RNF135: variants seen among roughly 807,000 people sequenced by gnomAD.
The protein encoded by RNF135 is ring finger protein 135, also known as E3 ubiquitin-protein ligase RNF135.
RNF135 carries 46 observed loss-of-function variants against 41.9 expected under a neutral mutation model. The observed-to-expected ratio is 1.10, with a 90% CI of 0.87 to 1.40. The LOEUF is 1.40. Among genes scored for constraint, RNF135 ranks in the 40% most tolerant of loss-of-function variants. The pLI, the probability that RNF135 is intolerant of heterozygous loss-of-function variation, is 0.00. For missense variants in RNF135, 539 were observed against 549.8 expected (o/e 0.98, Z 0.20); for synonymous variants, 238 against 223.8 (o/e 1.06, Z -0.57).
upstream of RNF135, among the ~76,000 whole-genome samples, chr17:30,969,766 T>C (rs1810044): frequency 0.12 from 15,792 of 136,834 alleles, 1,017 homozygotes; most frequent in East Asian, 0.28. Flanking sequence ...TTTCTTTTTT[T>C]TTTTTTTTTT....
intron 2 of RNF135, 84 bp from the exon 3 acceptor site, chr17:30,987,860 G>A (rs1907697752): frequency 1.5e-6 from 2 of 1,305,250 alleles, no homozygotes; most frequent in Non-Finnish European, 2.2e-6. Context: ...GAAAATTATA[G>A]ATGAATAGAA....
intron 3 of RNF135, among the ~76,000 whole-genome samples, chr17:30,991,248 A>G (rs2142724055): frequency 6.6e-6 from 1 of 152,042 alleles, no homozygotes; most frequent in Non-Finnish European, 1.5e-5. Context: ...CCGTAATCCC[A>G]GTTACGTGGG....
intron 3 of RNF135, among the ~76,000 whole-genome samples, chr17:30,994,492 G>C (rs1336212662): frequency 6.6e-6 from 1 of 152,092 alleles, no homozygotes; most frequent in Non-Finnish European, 1.5e-5. Context: ...AGAAGTTGCA[G>C]TGAGCCGAAA....
intron 3 of RNF135, among the ~76,000 whole-genome samples, chr17:30,990,265 G>A (rs904661939): frequency 2.6e-5 from 4 of 152,152 alleles, no homozygotes; most frequent in Non-Finnish European, 5.9e-5. Context: ...GCTCATGCCT[G>A]TAATCCCAGC....
At position 30,978,141 on chromosome 17, in the gene RNF135, C is replaced by T. The variant is rs184196282; in HGVS notation, c.373-6476C>T. Reference sequence around the variant, plus strand: ...CCCTTGTATATTATTTATTTCTTTTCTCTTGCTGCTTTAGGATCCTTTCTT... The same window carrying T: ...CCCTTGTATATTATTTATTTCTTTTTTCTTGCTGCTTTAGGATCCTTTCTT... On this transcript the variant is annotated intron_variant, in intron 1 of 4. Coordinates refer to ENST00000328381, the MANE Select transcript of RNF135 (RefSeq NM_032322.4). Among the ~76,000 whole-genome samples the T allele has an allele frequency of 2.6e-5, 4 of 152,082 alleles. No homozygotes were observed. The East Asian group carries it at 5.8e-4, about 22-fold the overall frequency.
In RNF135 at chr17:30,983,766, G is replaced by GT. The variant is rs375139965; in HGVS notation, c.373-838dup. Reference sequence around the variant, plus strand: ...CACACCATCAACATTTGTTATTTTGGTTTTTTTTTTTTTGATAGTAGCCAA... The same window carrying GT: ...CACACCATCAACATTTGTTATTTTGGTTTTTTTTTTTTTTGATAGTAGCCAA... On this transcript the variant is annotated intron_variant, in intron 1 of 4. Transcript: ENST00000328381. 9.1e-3 allele frequency among the ~76,000 whole-genome samples: 1,296 copies of GT among 142,282 alleles called. 10 individuals are homozygous for GT. Among genetic ancestry groups the GT allele is most frequent in the African/African-American group, 0.023 (890 of 39,140 alleles). 93.3% of individuals were successfully genotyped at this position (142,282 alleles called of 152,430 possible).
At chr17:30,994,639 A>T (rs915892458) in intron 3 of RNF135, among the ~76,000 whole-genome samples, 23 of 146,666 alleles carry the variant, frequency 1.6e-4, no homozygotes, top group Non-Finnish European at 2.6e-4. Context: ...ATTTTATTTT[A>T]TTTTTTTTTT....
chr17:30,961,946 C>T, the RNF135 span, among the ~76,000 whole-genome samples: 1 of 152,178 alleles, frequency 6.6e-6, no homozygotes, highest in South Asian at 2.1e-4. Context: ...TTACTAGTAA[C>T]TCCTCTTTCC....
In RNF135 at chr17:30,984,606, C is replaced by T; in HGVS notation, c.373-11C>T. 1.2e-6 allele frequency: 2 copies of T among 1,614,114 alleles called. No homozygotes were observed. The highest frequency in any genetic ancestry group is 1.7e-6 in the Non-Finnish European group (2 of 1,180,018). ...TATAGAACCCAGGACCTGAACTTTG[C>T]TATTTTGAAGGTGGCAGTAGAGAAG... On this transcript the variant is annotated splice_polypyrimidine_tract_variant and intron_variant, in intron 1 of 4. Transcript: ENST00000328381.
intron 1 of RNF135, among the ~76,000 whole-genome samples, chr17:30,983,347 A>AT (rs1907334924): frequency 8.1e-5 from 3 of 36,866 alleles, no homozygotes; most frequent in Non-Finnish European, 1.1e-4. Flanking sequence ...ATATATATAT[A>AT]TATATATTTT....
rs763876166 is a variant in RNF135, at chr17:30,971,290, C to T, written c.217C>T (p.Arg73Trp). The T allele has an allele frequency of 6.5e-7, 1 of 1,528,184 alleles. No homozygotes were observed. Among genetic ancestry groups the T allele is most frequent in the South Asian group, 1.2e-5 (1 of 82,616 alleles). 94.7% of individuals were successfully genotyped at this position (1,528,184 alleles called of 1,614,324 possible). The change falls in exon 1 of 5, where the codon CGG becomes TGG. Residue 73 changes from arginine (R) to tryptophan (W), a missense_variant. This residue lies in a region of RNF135 where 277 missense variants were observed against 212.8 expected (regional missense o/e 1.30). Coordinates refer to ENST00000328381, the MANE Select transcript of RNF135 (RefSeq NM_032322.4). ...RQGAAQQPHL[R>W]KNTLLQDLAD... ...GGGCGCCGCGCAGCAGCCGCACCTG[C>T]GGAAGAACACGCTACTGCAGGACCT...
chr17:30,983,353 A>ATATATATGTTTTT (rs1420453160), intron 1 of RNF135, among the ~76,000 whole-genome samples: 1 of 35,744 alleles, frequency 2.8e-5, no homozygotes, highest in Non-Finnish European at 5.4e-5. Flanking sequence ...ATATATATAT[A>ATATATATGTTTTT]TTTTTTTTTT....
At chr17:30,963,600 T>A in the RNF135 span, among the ~76,000 whole-genome samples, 3 of 151,960 alleles carry the variant, frequency 2.0e-5, no homozygotes, top group African/African-American at 7.3e-5. Flanking sequence ...GGTGGTTTGC[T>A]TTTTCTACTG....
In RNF135 at chr17:30,978,700, GCAGATAAA is replaced by G. The variant is rs1216903440; in HGVS notation, c.373-5914_373-5907del. Reference sequence around the variant, plus strand: ...TAGGACAATAGTGGAGGGAAGGTCAGCAGATAAACAAGTGAACAAAGGTCTCTGGTTTT... The same window carrying G: ...TAGGACAATAGTGGAGGGAAGGTCAGCAAGTGAACAAAGGTCTCTGGTTTT... On this transcript the variant is annotated intron_variant, in intron 1 of 4. Transcript: ENST00000328381. 2.8e-5 allele frequency: 4 copies of G among 142,348 alleles called. No homozygotes were observed. The East Asian group carries it at 8.0e-4, about 28-fold the overall frequency. The allele number at this position is 142,348 out of a possible 1,614,324, so 8.8% of individuals were successfully genotyped here.
chr17:30,960,764 G>C, the RNF135 span, among the ~76,000 whole-genome samples: 1 of 142,882 alleles, frequency 7.0e-6, no homozygotes. Context: ...TTTTGAGACA[G>C]AGTCTTGCTC....
upstream of RNF135, among the ~76,000 whole-genome samples, chr17:30,969,765 T>TTC (rs1905735105): frequency 7.2e-6 from 1 of 138,812 alleles, no homozygotes; most frequent in African/African-American, 2.6e-5. Context: ...TTTTCTTTTT[T>TTC]TTTTTTTTTT....
In RNF135 at chr17:30,988,114, GATC is replaced by G. The variant is rs780732664; in HGVS notation, c.679+9_679+11del. 3 of 1,613,524 alleles carry G rather than the reference GATC, an allele frequency of 1.9e-6. No individual in the cohort carries two copies. The highest frequency in any genetic ancestry group is 2.5e-6 in the Non-Finnish European group (3 of 1,179,584). ...CTGAAGCACAAATGCAGGGTGAGCT[GATC>G]TTATTTATTGGAGGAGGATTAAATA... On this transcript the variant is annotated intron_variant, in intron 3 of 4. Coordinates refer to ENST00000328381, the MANE Select transcript of RNF135 (RefSeq NM_032322.4).
chr17:30,995,973 C>T (rs1326582876), intron 3 of RNF135, among the ~76,000 whole-genome samples: 2 of 151,656 alleles, frequency 1.3e-5, no homozygotes, highest in Admixed American at 6.6e-5. Flanking sequence ...GATGGGGTTT[C>T]GCCATGTTGG....
At chr17:30,965,869 T>C in the RNF135 span, among the ~76,000 whole-genome samples, 1 of 152,198 alleles carries the variant, frequency 6.6e-6, no homozygotes, top group Non-Finnish European at 1.5e-5. Context: ...TGAGGCCACA[T>C]GGCCAACTGA....
Sources: allele counts gnomAD v4.1 joint callset (sites outside exome capture counted in the v4.1 genomes callset), GRCh38; gene constraint gnomAD v4.1.1; regional missense constraint gnomAD v4.1.1; transcripts MANE v1.5; gene names NCBI Gene and HGNC (gene_info 2026-07-23, HGNC 2026-07-21).